The following CRPPA variants were observed in gnomAD, a reference collection of about 807,000 sequenced individuals.
The protein encoded by CRPPA is CDP-L-ribitol pyrophosphorylase A, also known as D-ribitol-5-phosphate cytidylyltransferase.
A neutral mutation model predicts 52.0 loss-of-function variants in CRPPA; 43 were observed. That is an observed-to-expected ratio of 0.83 (90% CI 0.65 to 1.07). CRPPA has a LOEUF of 1.07. Ranked by LOEUF, CRPPA falls within the 50% of genes least tolerant of loss-of-function variation. The pLI is 0.00. For missense variants in CRPPA, 629 were observed against 551.7 expected (o/e 1.14, Z -1.40); for synonymous variants, 250 against 203.5 (o/e 1.23, Z -1.94).
intron 3 of CRPPA, among the ~76,000 whole-genome samples, chr7:16,316,846 G>T (rs1037111196): frequency 2.0e-5 from 3 of 152,038 alleles, no homozygotes; most frequent in Non-Finnish European, 4.4e-5. Context: ...AATGCAGAGT[G>T]AGACACCATC....
chr7:16,174,074 G>A (rs1781245444), intron 9 of CRPPA, among the ~76,000 whole-genome samples: 1 of 151,856 alleles, frequency 6.6e-6, no homozygotes, highest in Non-Finnish European at 1.5e-5. Flanking sequence ...GATCTGTGAG[G>A]AACAACTTCT....
chr7:16,327,599 CAAAAAAAAAAAAAAAA>C (rs71007762), intron 3 of CRPPA, among the ~76,000 whole-genome samples: 1 of 70,086 alleles, frequency 1.4e-5, no homozygotes, highest in Non-Finnish European at 2.5e-5. Flanking sequence ...GACTCCGTCT[CAAAAAAAAAAAAAAAA>C]AAAAAAAAAA....
At chr7:16,357,955 C>T (rs939837902) in intron 3 of CRPPA, among the ~76,000 whole-genome samples, 22 of 152,102 alleles carry the variant, frequency 1.4e-4, no homozygotes, top group Non-Finnish European at 2.5e-4. Flanking sequence ...TGGGAGTCCC[C>T]GAATGGATGG....
chr7:16,312,511 T>A (rs1785056256), intron 3 of CRPPA, among the ~76,000 whole-genome samples: 1 of 152,026 alleles, frequency 6.6e-6, no homozygotes, highest in Non-Finnish European at 1.5e-5. Context: ...TGTCAATGCT[T>A]TCAGATTTCC....
chr7:16,406,240 G>C lies in CRPPA; in HGVS notation c.355C>G (p.Leu119Val), dbSNP rs1409118569. 6 of 1,613,970 alleles carry C rather than the reference G, an allele frequency of 3.7e-6. No individual in the cohort carries two copies. The South Asian group carries it at 5.5e-5, about 15-fold the overall frequency. ...IQKYQHKRIS[L>V]VEAGVTRHRS... ...TGGCGGGTCACTCCAGCTTCGACCA[G>C]TGAGATGCGTTTATGCTGATACTTC... Residue 119 changes from leucine to valine, a missense_variant, in exon 2 of 10, where the codon CTG (leucine) becomes GTG (valine). Leu to Val is a conservative substitution (Grantham distance 32). Transcript: ENST00000407010.
At chr7:16,129,827 C>G (rs1169157309) in intron 9 of CRPPA, among the ~76,000 whole-genome samples, 1 of 152,096 alleles carries the variant, frequency 6.6e-6, no homozygotes, top group Non-Finnish European at 1.5e-5. Context: ...ATCTCCCTTC[C>G]TCCCACCTTT....
At chr7:16,205,564 T>C (rs374721289) in intron 9 of CRPPA, among the ~76,000 whole-genome samples, 1 of 152,210 alleles carries the variant, frequency 6.6e-6, no homozygotes, top group Non-Finnish European at 1.5e-5. Flanking sequence ...CTGAATGTTT[T>C]AATGTTTGCT....
chr7:16,258,818 G>T (rs1261149650), intron 7 of CRPPA, 102 bp downstream of exon 7: 5 of 660,538 alleles, frequency 7.6e-6, no homozygotes, highest in Non-Finnish European at 9.8e-6. Flanking sequence ...ATGTGTAGAA[G>T]AACTCATCAT....
intron 9 of CRPPA, among the ~76,000 whole-genome samples, chr7:16,201,358 AC>A (rs1781851103): frequency 1.3e-5 from 2 of 151,976 alleles, no homozygotes; most frequent in African/African-American, 2.4e-5. Flanking sequence ...CAGAGTGAGA[AC>A]CTCCATCGCA....
intron 8 of CRPPA, among the ~76,000 whole-genome samples, chr7:16,224,154 T>A (rs527272349): frequency 6.6e-6 from 1 of 152,126 alleles, no homozygotes; most frequent in African/African-American, 2.4e-5. Flanking sequence ...GCTCTCGGTG[T>A]TTGGAAAAGG....
At chr7:16,164,869 T>C (rs1781016457) in intron 9 of CRPPA, among the ~76,000 whole-genome samples, 1 of 152,090 alleles carries the variant, frequency 6.6e-6, no homozygotes, top group Non-Finnish European at 1.5e-5. Flanking sequence ...ACTTGCTCCT[T>C]CCTCTGGAAG....
rs148109793 is a variant in CRPPA, at chr7:16,209,176, C to T, written c.1251+6890G>A. 1.6e-3 allele frequency: 537 copies of T among 330,462 alleles called. 6 individuals carry two copies. Among genetic ancestry groups the T allele is most frequent in the African/African-American group, 0.011 (489 of 45,696 alleles). The allele number at this position is 330,462 out of a possible 1,614,324, so 20.5% of individuals were successfully genotyped here. A position where few individuals can be genotyped will look rare whatever the true frequency, so the allele number is the denominator to read the frequency against. On this transcript the variant is annotated intron_variant, in intron 9 of 9. Transcript: ENST00000407010. ...CTTAGTGCATTAAGCCCAGACCAAC[C>T]GCAGATCTAAGAGAATGCTAGCTAT...
chr7:16,249,208 A>G (rs914217249), intron 8 of CRPPA, among the ~76,000 whole-genome samples: 8 of 152,184 alleles, frequency 5.3e-5, no homozygotes, highest in South Asian at 2.1e-4. Context: ...GCATCTCTGA[A>G]CAAAAGGCAG....
At chr7:16,228,877 T>A (rs149201638) in intron 8 of CRPPA, among the ~76,000 whole-genome samples, 1 of 151,956 alleles carries the variant, frequency 6.6e-6, no homozygotes, top group African/African-American at 2.4e-5. Context: ...AACCTGCTCA[T>A]TGCTGGTAGC....
chr7:16,253,267 C>A (rs1783511488), intron 8 of CRPPA, among the ~76,000 whole-genome samples: 1 of 152,186 alleles, frequency 6.6e-6, no homozygotes. Flanking sequence ...CCTCTACACA[C>A]TGCTTTAAAT....
At chr7:16,146,028 T>C (rs1782967716) in intron 9 of CRPPA, among the ~76,000 whole-genome samples, 1 of 151,930 alleles carries the variant, frequency 6.6e-6, no homozygotes, top group South Asian at 2.1e-4. Context: ...TACCATCAAA[T>C]TGTGAGAAGT....
intron 3 of CRPPA, among the ~76,000 whole-genome samples, chr7:16,347,672 C>T (rs10950612): frequency 0.5 from 75,783 of 151,752 alleles, 19,359 homozygotes; most frequent in South Asian, 0.67. Context: ...GTCAAGTCTC[C>T]TACCCAATAA....
chr7:16,386,310 G>T (rs1787269786), intron 2 of CRPPA, among the ~76,000 whole-genome samples: 1 of 152,050 alleles, frequency 6.6e-6, no homozygotes, highest in Non-Finnish European at 1.5e-5. Flanking sequence ...CTGCTCTTTT[G>T]TCTGTCTGCT....
At chr7:16,410,740 G>C (rs767455550) in intron 1 of CRPPA, among the ~76,000 whole-genome samples, 1 of 152,036 alleles carries the variant, frequency 6.6e-6, no homozygotes, top group Non-Finnish European at 1.5e-5. Flanking sequence ...TGAAGGGAAG[G>C]CATCTCTCAT....
Sources: allele counts gnomAD v4.1 joint callset (sites outside exome capture counted in the v4.1 genomes callset), GRCh38; gene constraint gnomAD v4.1.1; transcripts MANE v1.5; gene names NCBI Gene and HGNC (gene_info 2026-07-23, HGNC 2026-07-21).